Variants in AMPH observed in about 807,000 individuals in gnomAD.
The protein encoded by AMPH is amphiphysin.
A neutral mutation model predicts 99.1 loss-of-function variants in AMPH; 49 were observed. The ratio of observed to expected loss-of-function variants is 0.49; its 90% CI spans 0.39 to 0.63. AMPH has a LOEUF of 0.63. Ranked by LOEUF, AMPH falls within the 20% of genes least tolerant of loss-of-function variation. AMPH has a pLI of 0.00. For missense variants in AMPH, 759 were observed against 863.4 expected, an observed-to-expected ratio of 0.88 and a Z score of 1.52; for synonymous variants, 314 against 317.3, an observed-to-expected ratio of 0.99 and a Z score of 0.11.
At chr7:38,525,861 T>TAC (rs1431351949) in intron 2 of AMPH, among the ~76,000 whole-genome samples, 1 of 152,212 alleles carries the variant, frequency 6.6e-6, no homozygotes, top group Non-Finnish European at 1.5e-5. Context: ...GAAGGACATC[T>TAC]GGGGTGTTGC....
intron 11 of AMPH, among the ~76,000 whole-genome samples, chr7:38,450,692 T>C (rs1786976282): frequency 6.6e-6 from 1 of 152,194 alleles, no homozygotes; most frequent in Non-Finnish European, 1.5e-5. Flanking sequence ...TTTGGTCAGC[T>C]TGGCATTTCA....
At chr7:38,623,803 G>A (rs984987016) in intron 1 of AMPH, among the ~76,000 whole-genome samples, 63 of 152,254 alleles carry the variant, frequency 4.1e-4, no homozygotes, top group Non-Finnish European at 3.1e-4. Context: ...TCGGCAAAGC[G>A]ACAATCGAAA....
chr7:38,598,438 G>T (rs956962245), intron 1 of AMPH, among the ~76,000 whole-genome samples: 28 of 152,236 alleles, frequency 1.8e-4, no homozygotes, highest in African/African-American at 6.3e-4. Context: ...AAGTAGCTGG[G>T]ATTACAGGTG....
At chr7:38,491,014 C>T (rs1227486632) in intron 5 of AMPH, 36 bp downstream of exon 5, 1 of 1,414,622 alleles carries the variant, frequency 7.1e-7, no homozygotes, top group Admixed American at 1.7e-5. Flanking sequence ...CATGACCCCA[C>T]TCAATCCTTC....
At chr7:38,520,485 T>C (rs1789916671) in intron 2 of AMPH, among the ~76,000 whole-genome samples, 1 of 152,214 alleles carries the variant, frequency 6.6e-6, no homozygotes, top group Non-Finnish European at 1.5e-5. Flanking sequence ...ATGTACTTAT[T>C]AGGCACCTAG....
At chr7:38,623,704 C>T (rs1261597709) in intron 1 of AMPH, among the ~76,000 whole-genome samples, 1 of 152,176 alleles carries the variant, frequency 6.6e-6, no homozygotes, top group Non-Finnish European at 1.5e-5. Flanking sequence ...TACAAATCTC[C>T]TTGACAGAGG....
intron 11 of AMPH, among the ~76,000 whole-genome samples, chr7:38,455,402 T>C (rs1266600672): frequency 6.6e-6 from 1 of 152,170 alleles, no homozygotes; most frequent in Non-Finnish European, 1.5e-5. Flanking sequence ...ATTCTCAAGA[T>C]GGCCGACTAA....
intron 18 of AMPH, among the ~76,000 whole-genome samples, chr7:38,392,377 C>CTTTTTTTTTTTTTTTTTT (rs574057389): frequency 2.4e-5 from 1 of 42,030 alleles, no homozygotes; most frequent in African/African-American, 1.1e-4. Flanking sequence ...CGGCCTGGTT[C>CTTTTTTTTTTTTTTTTTT]TTTTTTTTTT....
At chr7:38,628,090 A>G (rs1387097399) in intron 1 of AMPH, among the ~76,000 whole-genome samples, 1 of 152,246 alleles carries the variant, frequency 6.6e-6, no homozygotes, top group Non-Finnish European at 1.5e-5. Context: ...CTTAGGCTTG[A>G]TAAAGTTTTT....
intron 2 of AMPH, among the ~76,000 whole-genome samples, chr7:38,507,554 T>C (rs1479995487): frequency 6.6e-6 from 1 of 152,236 alleles, no homozygotes; most frequent in Non-Finnish European, 1.5e-5. Context: ...ATTGTTATTC[T>C]GCAGGAATAG....
chr7:38,449,262 T>A (rs772461862), intron 11 of AMPH, among the ~76,000 whole-genome samples: 33 of 152,212 alleles, frequency 2.2e-4, no homozygotes, highest in Non-Finnish European at 4.6e-4. Context: ...ATTTACTGAA[T>A]GCCCGGTACT....
intron 1 of AMPH, among the ~76,000 whole-genome samples, chr7:38,623,662 A>C (rs1221209044): frequency 6.6e-6 from 1 of 152,064 alleles, no homozygotes; most frequent in Non-Finnish European, 1.5e-5. Context: ...CATATAAACT[A>C]CTCTTCTACA....
chr7:38,493,957 T>C (rs953007407), intron 4 of AMPH, among the ~76,000 whole-genome samples: 1 of 152,144 alleles, frequency 6.6e-6, no homozygotes, highest in Non-Finnish European at 1.5e-5. Flanking sequence ...TCATCTTCAC[T>C]TTTCTTTTAT....
rs764094746 is a variant in AMPH, at chr7:38,461,373, G to T, written c.927C>A (p.Val309=). 1.2e-6 allele frequency: 2 copies of T among 1,614,180 alleles called. No individual in the cohort carries two copies. Among genetic ancestry groups the T allele is most frequent in the Admixed American group, 3.3e-5 (2 of 60,028 alleles). The change falls in exon 11 of 21, where the codon GTC becomes GTA. Residue 309 remains valine, a synonymous_variant. Transcript: ENST00000356264. ...CCTGCTGCAGTTCCTTTGTCGGGGT[G>T]ACTTTAGGTAGAGGTGGGACAGGAG... ...KGPPVPPLPK[V]TPTKELQQEN...
chr7:38,535,426 T>G (rs2129040698), intron 1 of AMPH, among the ~76,000 whole-genome samples: 1 of 152,304 alleles, frequency 6.6e-6, no homozygotes, highest in South Asian at 2.1e-4. Flanking sequence ...GACTAAAGCA[T>G]TCATCCACTT....
At chr7:38,516,019 A>C (rs555711026) in intron 2 of AMPH, among the ~76,000 whole-genome samples, 1 of 152,374 alleles carries the variant, frequency 6.6e-6, no homozygotes, top group African/African-American at 2.4e-5. Context: ...GCCTATGCTT[A>C]TATTCATGAG....
intron 17 of AMPH, among the ~76,000 whole-genome samples, chr7:38,416,700 C>T (rs2128986722): frequency 6.6e-6 from 1 of 152,220 alleles, no homozygotes; most frequent in African/African-American, 2.4e-5. Flanking sequence ...CCATTGGACA[C>T]CAAGTGAAAA....
chr7:38,570,412 T>C (rs1049194396), intron 1 of AMPH, among the ~76,000 whole-genome samples: 1 of 152,178 alleles, frequency 6.6e-6, no homozygotes, highest in African/African-American at 2.4e-5. Flanking sequence ...CGCATAATAA[T>C]GTTTTGTGTC....
At chr7:38,609,021 C>T (rs533959201) in intron 1 of AMPH, among the ~76,000 whole-genome samples, 1 of 152,240 alleles carries the variant, frequency 6.6e-6, no homozygotes, top group African/African-American at 2.4e-5. Context: ...CAAAGCAAAG[C>T]TTTGGTAAAA....
Sources: allele counts gnomAD v4.1 joint callset (sites outside exome capture counted in the v4.1 genomes callset), GRCh38; gene constraint gnomAD v4.1.1; transcripts MANE v1.5; gene names NCBI Gene and HGNC (gene_info 2026-07-23, HGNC 2026-07-21).